Variants in MAPK8 observed in about 807,000 individuals in gnomAD.
MAPK8 encodes mitogen-activated protein kinase 8.
A neutral mutation model predicts 52.9 loss-of-function variants in MAPK8; 13 were observed. The ratio of observed to expected loss-of-function variants is 0.25; its 90% confidence interval spans 0.16 to 0.39. The LOEUF is 0.39. Ranked by LOEUF, MAPK8 falls within the 10% of genes least tolerant of loss-of-function variation. The probability of loss-of-function intolerance (pLI) is 1.00; values close to 1 mark genes in which losing one functional copy is unlikely to be tolerated. For missense variants in MAPK8, 300 were observed against 519.2 expected (o/e 0.58, Z 4.10); for synonymous variants, 191 against 169.8 (o/e 1.12, Z -0.97).
At chr10:48,317,336 T>A (rs1564471533) in intron 1 of MAPK8, among the ~76,000 whole-genome samples, 1 of 152,100 alleles carries the variant, frequency 6.6e-6, no homozygotes, top group Non-Finnish European at 1.5e-5. Flanking sequence ...GGCGAATTTT[T>A]AAGTTTTTTG....
intron 3 of MAPK8, among the ~76,000 whole-genome samples, chr10:48,409,423 A>G (rs948090639): frequency 6.6e-6 from 1 of 152,186 alleles, no homozygotes; most frequent in African/African-American, 2.4e-5. Context: ...GTTAAACACA[A>G]TAGTGTGAGA....
At chr10:48,362,691 CTG>C (rs1198651947) in intron 1 of MAPK8, among the ~76,000 whole-genome samples, 1 of 151,266 alleles carries the variant, frequency 6.6e-6, no homozygotes, top group African/African-American at 2.4e-5. Context: ...GTGGATTCCA[CTG>C]TATCACACTG....
At chr10:48,422,261 A>C (rs2043410844) in intron 6 of MAPK8, among the ~76,000 whole-genome samples, 1 of 152,032 alleles carries the variant, frequency 6.6e-6, no homozygotes, top group Admixed American at 6.6e-5. Context: ...TGAACTCCTG[A>C]CCTTAGGTGA....
intron 1 of MAPK8, among the ~76,000 whole-genome samples, chr10:48,339,726 C>T (rs927847408): frequency 2.6e-5 from 4 of 151,828 alleles, no homozygotes; most frequent in African/African-American, 9.7e-5. Flanking sequence ...AAAAATAACT[C>T]GATTAAAAAG....
chr10:48,413,693 G>A (rs1056910492), intron 5 of MAPK8, among the ~76,000 whole-genome samples: 71 of 151,204 alleles, frequency 4.7e-4, no homozygotes, highest in African/African-American at 1.7e-3. Context: ...ATGGAGCAAT[G>A]TAAAGTTTGT....
chr10:48,345,109 G>T (rs1335694499), intron 1 of MAPK8, among the ~76,000 whole-genome samples: 2 of 152,142 alleles, frequency 1.3e-5, no homozygotes, highest in Non-Finnish European at 2.9e-5. Context: ...TAAACAGAAA[G>T]GATCATTTTT....
intron 1 of MAPK8, among the ~76,000 whole-genome samples, chr10:48,343,697 G>T (rs1419574966): frequency 3.3e-5 from 5 of 152,194 alleles, no homozygotes; most frequent in Admixed American, 6.5e-5. Flanking sequence ...GTAGCTAGAC[G>T]TTGCAAGATT....
rs2044841923 is a variant in MAPK8, at chr10:48,436,241, T to C, written c.*1212T>C. On this transcript the variant is annotated 3_prime_UTR_variant, in exon 12 of 12. Transcript: ENST00000374189. ...CATTGAGCAGAGCAGGCATAAATGG[T>C]GGTTATTTAGTCTAAGTCTTTTATT... 2 of 152,168 alleles carry C rather than the reference T, an allele frequency of 1.3e-5. No homozygotes were observed. The highest frequency in any genetic ancestry group is 4.1e-4 in the South Asian group (2 of 4,832). The allele number at this position is 152,168 out of a possible 1,614,324, so 9.4% of individuals were successfully genotyped here.
chr10:48,321,089 GTTTTTT>G (rs34616108), intron 1 of MAPK8, among the ~76,000 whole-genome samples: 29 of 94,024 alleles, frequency 3.1e-4, no homozygotes, highest in African/African-American at 1.1e-3. Context: ...CGTTGTAAGA[GTTTTTT>G]TTTTTTTTTT....
chr10:48,334,879 G>T (rs529379785), intron 1 of MAPK8, among the ~76,000 whole-genome samples: 1 of 152,130 alleles, frequency 6.6e-6, no homozygotes, highest in African/African-American at 2.4e-5. Flanking sequence ...CTCCTAGCAC[G>T]CAAGTCTCTC....
At chr10:48,387,343 C>T (rs2041374353) in intron 1 of MAPK8, among the ~76,000 whole-genome samples, 1 of 152,108 alleles carries the variant, frequency 6.6e-6, no homozygotes, top group African/African-American at 2.4e-5. Flanking sequence ...AGGATTTGCC[C>T]TCTATTACGG....
chr10:48,339,116 C>G (rs375788925), intron 1 of MAPK8, among the ~76,000 whole-genome samples: 30 of 151,888 alleles, frequency 2.0e-4, no homozygotes, highest in African/African-American at 7.0e-4. Flanking sequence ...TACAATAGAG[C>G]CTAAATAGGT....
chr10:48,309,846 A>G (rs759710246), intron 1 of MAPK8, among the ~76,000 whole-genome samples: 9 of 152,216 alleles, frequency 5.9e-5, no homozygotes, highest in South Asian at 2.1e-4. Flanking sequence ...GGTCAAGTCA[A>G]TGGTATGGGT....
chr10:48,343,980 G>A (rs898454049), intron 1 of MAPK8, among the ~76,000 whole-genome samples: 4 of 152,148 alleles, frequency 2.6e-5, no homozygotes, highest in African/African-American at 7.2e-5. Flanking sequence ...AGGAATCTAA[G>A]GAGTTTGATA....
chr10:48,384,024 A>T (rs1398549090), intron 1 of MAPK8, among the ~76,000 whole-genome samples: 1 of 152,200 alleles, frequency 6.6e-6, no homozygotes, highest in Non-Finnish European at 1.5e-5. Flanking sequence ...TGGGAGGCCA[A>T]GGCAGGTGGA....
intron 1 of MAPK8, among the ~76,000 whole-genome samples, chr10:48,357,167 A>T (rs1847059503): frequency 1.3e-5 from 2 of 152,188 alleles, no homozygotes; most frequent in Non-Finnish European, 2.9e-5. Context: ...TCATTAACTG[A>T]TAGAACAAGC....
intron 1 of MAPK8, among the ~76,000 whole-genome samples, chr10:48,335,766 C>A (rs1213962912): frequency 6.6e-6 from 1 of 152,188 alleles, no homozygotes; most frequent in East Asian, 1.9e-4. Flanking sequence ...ATGTATACTT[C>A]CCATTTCATC....
chr10:48,403,185 C>T (rs541774670), intron 2 of MAPK8, among the ~76,000 whole-genome samples: 1 of 152,222 alleles, frequency 6.6e-6, no homozygotes, highest in East Asian at 1.9e-4. Context: ...GCAAGCCGGG[C>T]GCGGTGGCTC....
chr10:48,364,859 T>G (rs969623129), intron 1 of MAPK8, among the ~76,000 whole-genome samples: 3 of 152,194 alleles, frequency 2.0e-5, no homozygotes, highest in African/African-American at 7.2e-5. Context: ...ACAAATATTC[T>G]TGCCAAGCTA....
Sources: gnomAD v4.1 joint callset for allele counts (sites outside exome capture counted in the v4.1 genomes callset) on GRCh38, gnomAD v4.1.1 for gene constraint, MANE v1.5 for transcripts, NCBI Gene and HGNC (gene_info 2026-07-23, HGNC 2026-07-21) for gene names.